Variants in ADGRL3 observed in about 807,000 individuals in gnomAD.
ADGRL3 encodes the protein calcium-independent alpha-latrotoxin receptor 3.
Under a neutral mutation model 153.5 loss-of-function variants are expected in ADGRL3, and 62 were observed. The observed-to-expected ratio is 0.40, with a 90% confidence interval of 0.33 to 0.50. The LOEUF is 0.50. Ranked by LOEUF, ADGRL3 falls within the 20% of genes least tolerant of loss-of-function variation. ADGRL3 has a pLI of 0.47. For synonymous variants in ADGRL3, 710 were observed against 672.5 expected, an observed-to-expected ratio of 1.06 and a Z score of -0.86; for missense variants, 1,641 against 1,859.4, an observed-to-expected ratio of 0.88 and a Z score of 2.16.
At chr4:62,006,003 C>CACATATATATATAT (rs1230956055) in intron 21 of ADGRL3, among the ~76,000 whole-genome samples, 2 of 48,986 alleles carry the variant, frequency 4.1e-5, no homozygotes, top group Admixed American at 2.9e-4. Context: ...CACACACACA[C>CACATATATATATAT]ATATATATAT....
chr4:61,650,514 A>C, intron 5 of ADGRL3, among the ~76,000 whole-genome samples: 1 of 152,056 alleles, frequency 6.6e-6, no homozygotes, highest in Admixed American at 6.6e-5. Context: ...TAAATAGTAA[A>C]TTTTATTTTT....
intron 17 of ADGRL3, among the ~76,000 whole-genome samples, chr4:61,956,013 T>C (rs988846886): frequency 1.3e-5 from 2 of 152,188 alleles, no homozygotes; most frequent in African/African-American, 4.8e-5. Flanking sequence ...GCATGTATCT[T>C]TATAGTAGAA....
chr4:61,948,992 T>G (rs2098936442), intron 17 of ADGRL3, among the ~76,000 whole-genome samples: 1 of 150,198 alleles, frequency 6.7e-6, no homozygotes, highest in African/African-American at 2.5e-5. Context: ...TATCAGATTT[T>G]AGGAGGCCTA....
intron 3 of ADGRL3, among the ~76,000 whole-genome samples, chr4:61,506,846 TA>T (rs2098433928): frequency 6.6e-6 from 1 of 152,168 alleles, no homozygotes; most frequent in African/African-American, 2.4e-5. Flanking sequence ...CAGATGACTT[TA>T]AAACAGATTG....
At chr4:61,333,460 G>A (rs1471538817) in intron 1 of ADGRL3, among the ~76,000 whole-genome samples, 1 of 152,078 alleles carries the variant, frequency 6.6e-6, no homozygotes, top group Non-Finnish European at 1.5e-5. Context: ...GAAGTGTGGT[G>A]TATCACTTAT....
chr4:61,411,726 T>C (rs2097090374), intron 2 of ADGRL3, among the ~76,000 whole-genome samples: 1 of 152,202 alleles, frequency 6.6e-6, no homozygotes, highest in Non-Finnish European at 1.5e-5. Context: ...AGATCTGTCA[T>C]AAATTTCATG....
intron 4 of ADGRL3, among the ~76,000 whole-genome samples, chr4:61,580,962 G>A (rs2098922330): frequency 6.6e-6 from 1 of 152,086 alleles, no homozygotes; most frequent in Non-Finnish European, 1.5e-5. Flanking sequence ...AATACTGGAA[G>A]AGTATCAAAG....
chr4:61,673,681 C>T (rs2095083720), intron 5 of ADGRL3, among the ~76,000 whole-genome samples: 1 of 151,224 alleles, frequency 6.6e-6, no homozygotes, highest in African/African-American at 2.4e-5. Context: ...AACCTTTAAA[C>T]TCCTGTTTTC....
chr4:61,460,573 G>A (rs993702142), intron 2 of ADGRL3, among the ~76,000 whole-genome samples: 2 of 152,036 alleles, frequency 1.3e-5, no homozygotes, highest in Non-Finnish European at 2.9e-5. Context: ...TGATTAATGA[G>A]TGTATTAGTC....
At chr4:62,052,944 G>C (rs1037758886) in intron 25 of ADGRL3, among the ~76,000 whole-genome samples, 6 of 151,038 alleles carry the variant, frequency 4.0e-5, no homozygotes, top group African/African-American at 1.5e-4. Flanking sequence ...TTATTGTATT[G>C]CTAATTCTGG....
chr4:62,010,712 TTTAA>T lies in ADGRL3; in HGVS notation c.3395+12451_3395+12454del, dbSNP rs969014778. Among the ~76,000 whole-genome samples, 101 of 152,062 alleles carry T rather than the reference TTTAA, an allele frequency of 6.6e-4. 1 individual carries two copies. The highest frequency in any genetic ancestry group is 2.3e-3 in the African/African-American group (97 of 41,524). ...AATGAAGTCTTATGAAAAGGGAACA[TTTAA>T]TTATTGTAATTTATCTGTCTTCAAA... On this transcript the variant is annotated intron_variant, in intron 21 of 26. Coordinates refer to ENST00000683033, the MANE Select transcript of ADGRL3 (RefSeq NM_001387552.1).
intron 1 of ADGRL3, among the ~76,000 whole-genome samples, chr4:61,326,022 G>T (rs1012593265): frequency 6.6e-6 from 1 of 152,028 alleles, no homozygotes; most frequent in African/African-American, 2.4e-5. Flanking sequence ...GAGGAATAAG[G>T]GTCCTCAGCT....
intron 11 of ADGRL3, among the ~76,000 whole-genome samples, chr4:61,904,096 T>A (rs1330236648): frequency 6.6e-6 from 1 of 151,624 alleles, no homozygotes; most frequent in Non-Finnish European, 1.5e-5. Flanking sequence ...CCTATTTCAC[T>A]TCAGTTTTTT....
At position 61,899,082 on chromosome 4, in the gene ADGRL3, A is replaced by G. The variant is rs192891216; in HGVS notation, c.1887+3248A>G. 1.7e-3 allele frequency among the ~76,000 whole-genome samples: 260 copies of G among 152,298 alleles called. 1 individual carries two copies. The highest frequency in any genetic ancestry group is 6.1e-3 in the African/African-American group (255 of 41,564). ...CCACCATTCACCTGTGCAAGCTTCT[A>G]GCTTGCCTTTCTACCTCTGCAGCTC... On this transcript the variant is annotated intron_variant, in intron 11 of 26. Transcript: ENST00000683033.
At chr4:61,793,402 G>C (rs1046347389) in intron 8 of ADGRL3, among the ~76,000 whole-genome samples, 1 of 152,108 alleles carries the variant, frequency 6.6e-6, no homozygotes, top group Non-Finnish European at 1.5e-5. Context: ...CAGCCTGGGC[G>C]ACAGAGCGAG....
intron 8 of ADGRL3, among the ~76,000 whole-genome samples, chr4:61,757,194 G>C (rs906687224): frequency 4.6e-5 from 7 of 152,160 alleles, no homozygotes; most frequent in African/African-American, 1.7e-4. Context: ...CAGAAGGCAT[G>C]GTACCAGCTC....
chr4:61,308,214 A>G (rs975699121), intron 1 of ADGRL3, among the ~76,000 whole-genome samples: 2 of 152,124 alleles, frequency 1.3e-5, no homozygotes, highest in Non-Finnish European at 2.9e-5. Context: ...AGTATGACTT[A>G]CTGAAATCTA....
chr4:61,579,612 C>T (rs2098914834), intron 4 of ADGRL3: 1 of 514,230 alleles, frequency 1.9e-6, no homozygotes, highest in South Asian at 1.4e-5. Context: ...CATGATGAAG[C>T]TCCGTAAGTC....
At chr4:61,673,803 A>G (rs1370248685) in intron 5 of ADGRL3, among the ~76,000 whole-genome samples, 2 of 151,188 alleles carry the variant, frequency 1.3e-5, no homozygotes, top group African/African-American at 2.4e-5. Flanking sequence ...ATCATAATTT[A>G]TAATGAACTT....
Sources: gnomAD v4.1 joint callset for allele counts (sites outside exome capture counted in the v4.1 genomes callset) on GRCh38, gnomAD v4.1.1 for gene constraint, MANE v1.5 for transcripts, NCBI Gene and HGNC (gene_info 2026-07-23, HGNC 2026-07-21) for gene names.